Variants in MYOM1 observed in about 807,000 individuals in gnomAD.
The protein encoded by MYOM1 is myomesin-1.
A neutral mutation model predicts 205.3 loss-of-function variants in MYOM1; 164 were observed. The ratio of observed to expected loss-of-function variants is 0.80; its 90% CI spans 0.70 to 0.91. The LOEUF (loss-of-function observed/expected upper bound fraction) is 0.91. Ranked by LOEUF, MYOM1 falls within the 40% of genes least tolerant of loss-of-function variation. The probability of loss-of-function intolerance (pLI) is 0.00; values close to 1 mark genes in which losing one functional copy is unlikely to be tolerated. For missense variants in MYOM1, 2,011 were observed against 2,127.3 expected (o/e 0.95, Z 1.08); for synonymous variants, 772 against 789.4 (o/e 0.98, Z 0.37).
chr18:3,075,804 T>C (rs985945499), intron 34 of MYOM1, 43 bp from the exon 35 acceptor site: 2 of 1,518,016 alleles, frequency 1.3e-6, no homozygotes, highest in Non-Finnish European at 1.8e-6. Context: ...TCACCCAGAA[T>C]TGATGACACA....
chr18:3,227,822 AAATT>A, the MYOM1 span, among the ~76,000 whole-genome samples: 13 of 152,298 alleles, frequency 8.5e-5, no homozygotes, highest in Middle Eastern at 6.8e-3. Context: ...TCTCAAAAAA[AAATT>A]AATTAATTTT....
intron 10 of MYOM1, among the ~76,000 whole-genome samples, chr18:3,157,588 G>A (rs2080319349): frequency 6.6e-6 from 1 of 151,458 alleles, no homozygotes; most frequent in Admixed American, 6.6e-5. Context: ...GAGGGAAGAG[G>A]ATTGCTTGAG....
At chr18:3,106,145 G>A (rs751737156) in intron 22 of MYOM1, among the ~76,000 whole-genome samples, 1 of 152,202 alleles carries the variant, frequency 6.6e-6, no homozygotes, top group Non-Finnish European at 1.5e-5. Flanking sequence ...AAAGTATAAA[G>A]GAGGATGTCT....
intron 22 of MYOM1, among the ~76,000 whole-genome samples, chr18:3,106,294 C>T (rs1338860886): frequency 6.6e-6 from 1 of 152,136 alleles, no homozygotes; most frequent in Non-Finnish European, 1.5e-5. Context: ...CTTTGTAAAG[C>T]ATTTCGAGAT....
chr18:3,077,979 C>T (rs1224329274), intron 34 of MYOM1, among the ~76,000 whole-genome samples: 5 of 151,934 alleles, frequency 3.3e-5, no homozygotes, highest in Non-Finnish European at 4.4e-5. Flanking sequence ...TGAAGGGCGA[C>T]GCTCTAAGTG....
Position 3,135,437 on chromosome 18 carries a change from T to C in MYOM1, c.2209+110A>G, listed in dbSNP as rs1401239131. ...GTTAAGTACAGCCATCGAGTAAATT[T>C]ATAATATGAAAGAAGGATGTCACCA... is the stretch of plus-strand genomic sequence containing the variant. On this transcript the variant is annotated intron_variant, in intron 15 of 37. Transcript: ENST00000356443. The surrounding 1 kb of genome is among the most constrained non-coding windows in gnomAD (Gnocchi z 4.1). 1 of 968,824 alleles carries C rather than the reference T, an allele frequency of 1.0e-6. No homozygotes were observed. Among genetic ancestry groups the C allele is most frequent in the Non-Finnish European group, 1.5e-6 (1 of 669,400 alleles). The allele number at this position is 968,824 out of a possible 1,614,324, so 60.0% of individuals were successfully genotyped here.
Position 3,089,583 on chromosome 18 carries a change from G to A in MYOM1, c.4023C>T (p.Leu1341=), listed in dbSNP as rs768139503. The part of the protein sequence containing the change: ...VVLVGDVFKK[L]QKEAEFQRQE... ...GCCGCTGGAATTCAGCTTCTTTCTGGAGCTTTTTGAAAACTACAAATTGAA... is the reference window on the plus strand; with the variant it reads ...GCCGCTGGAATTCAGCTTCTTTCTGAAGCTTTTTGAAAACTACAAATTGAA... Residue 1341 remains leucine (L), a synonymous_variant, in exon 28 of 38, where the codon CTC becomes CTT. Transcript: ENST00000356443. The A allele has an allele frequency of 3.7e-6, 6 of 1,606,440 alleles. No individual in the cohort carries two copies. The South Asian group carries it at 6.7e-5, about 18-fold the overall frequency.
intron 3 of MYOM1, among the ~76,000 whole-genome samples, chr18:3,191,841 GCC>G (rs1427296872): frequency 1.3e-5 from 2 of 151,818 alleles, no homozygotes; most frequent in African/African-American, 4.8e-5. Context: ...GACTACAGGT[GCC>G]CGCCACCACG....
the MYOM1 span, among the ~76,000 whole-genome samples, chr18:3,225,178 A>G: frequency 5.6e-4 from 85 of 150,652 alleles, 1 homozygote; most frequent in South Asian, 0.017. Context: ...TTTTTAGTAG[A>G]GAGTTTCACC....
At chr18:3,232,353 T>A in the MYOM1 span, among the ~76,000 whole-genome samples, 3 of 151,860 alleles carry the variant, frequency 2.0e-5, no homozygotes, top group East Asian at 5.8e-4. Flanking sequence ...AGTAGAACCA[T>A]CCGTCATATA....
At chr18:3,167,266 G>A (rs1456056962) in intron 9 of MYOM1, among the ~76,000 whole-genome samples, 1 of 152,098 alleles carries the variant, frequency 6.6e-6, no homozygotes, top group Non-Finnish European at 1.5e-5. Context: ...GTGTGATTTG[G>A]GGCAATCCCT....
At position 3,112,408 on chromosome 18, in the gene MYOM1, C is replaced by T. The variant is rs186972208; in HGVS notation, c.3308G>A (p.Arg1103Gln). Residue 1103 changes from arginine (R) to glutamine (Q), a missense_variant, in exon 22 of 38, where the codon CGA becomes CAA. Physicochemically the swap from Arg to Gln is conservative, Grantham distance 43. Transcript: ENST00000356443. ...GTAGCTGACGCCCTCCTTGAGGCCT[C>T]GAACCTGGTAGAAGCAGGTGTAGAA... ...AAIKNVYLKV[R>Q]GLKEGVSYVF... is the part of the protein sequence containing the mutation. 82 of 1,596,928 alleles carry T rather than the reference C, an allele frequency of 5.1e-5. No homozygotes were observed. The Middle Eastern group carries it at 3.5e-3, about 69-fold the overall frequency.
rs1284333362 is a variant in MYOM1, at chr18:3,100,205, T to C, written c.3683-2A>G. 2 of 1,613,952 alleles carry C rather than the reference T, an allele frequency of 1.2e-6. No homozygotes were observed. The highest frequency in any genetic ancestry group is 1.7e-5 in the Admixed American group (1 of 60,020). On this transcript the variant is annotated splice_acceptor_variant, in intron 24 of 37. Transcript: ENST00000356443. LOFTEE classifies it high-confidence loss of function. Reference sequence around the variant, plus strand: ...TGAGAGCAAGTAAACGTTTCAATTCTGTAGGGGGAAAAAGAAGGCAGTTAA... The same window carrying C: ...TGAGAGCAAGTAAACGTTTCAATTCCGTAGGGGGAAAAAGAAGGCAGTTAA...
At chr18:3,082,271 C>T (rs2079093062) in intron 33 of MYOM1, among the ~76,000 whole-genome samples, 1 of 152,146 alleles carries the variant, frequency 6.6e-6, no homozygotes, top group African/African-American at 2.4e-5. Flanking sequence ...ATCTAGACTT[C>T]ACACGGCTGG....
the MYOM1 span, among the ~76,000 whole-genome samples, chr18:3,239,728 G>A: frequency 7.0e-6 from 1 of 142,414 alleles, no homozygotes; most frequent in Admixed American, 7.1e-5. Flanking sequence ...CTGCAGTCTG[G>A]CCTGGGTGAC....
intron 16 of MYOM1, among the ~76,000 whole-genome samples, chr18:3,132,031 TTATA>T (rs33960225): frequency 6.8e-6 from 1 of 146,092 alleles, no homozygotes; most frequent in East Asian, 2.0e-4. Flanking sequence ...ATTAATATTA[TTATA>T]TATATGTATA....
At chr18:3,119,718 T>A in intron 20 of MYOM1, 151 bp downstream of exon 20, 1 of 960,462 alleles carries the variant, frequency 1.0e-6, no homozygotes, top group Non-Finnish European at 1.5e-6. Context: ...TTTAATATTA[T>A]CATTAAAATA....
rs2080831631 is a variant in MYOM1 at position 3,187,363 on chromosome 18, A to T, written c.929+117T>A. Reference sequence around the variant, plus strand: ...CCCTTCTTCACTCTTTTAAAAACCTATACAATCTTGTAGATGTCTTCATTG... The same window carrying T: ...CCCTTCTTCACTCTTTTAAAAACCTTTACAATCTTGTAGATGTCTTCATTG... On this transcript the variant is annotated intron_variant, in intron 5 of 37. Transcript: ENST00000356443. 2.5e-6 allele frequency: 3 copies of T among 1,178,742 alleles called. No homozygotes were observed. In the Admixed American group the frequency reaches 6.9e-5, roughly 27 times the overall value. 73.0% of individuals were successfully genotyped at this position (1,178,742 alleles called of 1,614,324 possible).
At chr18:3,223,685 C>A (rs552624214), upstream of MYOM1, among the ~76,000 whole-genome samples, 1 of 152,304 alleles carries the variant, frequency 6.6e-6, no homozygotes, top group South Asian at 2.1e-4. Flanking sequence ...AGATTAGCAA[C>A]ATTCTGTGTG....
Sources: allele counts gnomAD v4.1 joint callset (sites outside exome capture counted in the v4.1 genomes callset), GRCh38; gene constraint gnomAD v4.1.1; non-coding constraint Gnocchi (gnomAD v3.1); transcripts MANE v1.5; gene names NCBI Gene and HGNC (gene_info 2026-07-23, HGNC 2026-07-21).